LSAMP: variants seen among roughly 807,000 people sequenced by gnomAD.
LSAMP encodes limbic system associated membrane protein, also known as limbic system-associated membrane protein.
In LSAMP, 7 loss-of-function variants were observed where a neutral mutation model predicts 38.6. That is an observed-to-expected ratio of 0.18 (90% CI 0.10 to 0.34). LSAMP has a LOEUF of 0.34. Ranked by LOEUF, LSAMP falls within the 10% of genes least tolerant of loss-of-function variation. The pLI is 1.00. For missense variants in LSAMP, 313 were observed against 420.0 expected (o/e 0.75, Z 2.23); for synonymous variants, 154 against 166.8 (o/e 0.92, Z 0.59).
chr3:116,372,266 G>GCCTGT (rs2048439132), intron 1 of LSAMP, among the ~76,000 whole-genome samples: 1 of 151,942 alleles, frequency 6.6e-6, no homozygotes, highest in African/African-American at 2.4e-5. Context: ...ATAAAGCTTT[G>GCCTGT]CCTGTATGAT....
intron 3 of LSAMP, among the ~76,000 whole-genome samples, chr3:115,872,289 C>A (rs1246073618): frequency 1.3e-5 from 2 of 152,116 alleles, no homozygotes; most frequent in Non-Finnish European, 2.9e-5. Context: ...TGCCTCCATT[C>A]TCCTAAATCA....
At chr3:116,196,112 C>T (rs897661136) in intron 1 of LSAMP, among the ~76,000 whole-genome samples, 1 of 152,140 alleles carries the variant, frequency 6.6e-6, no homozygotes, top group African/African-American at 2.4e-5. Flanking sequence ...CTCATCTTCT[C>T]ATTGATCATC....
chr3:116,179,030 T>TA (rs11402534), intron 1 of LSAMP, among the ~76,000 whole-genome samples: 74,137 of 148,438 alleles, frequency 0.5, 20,541 homozygotes, highest in East Asian at 0.73. Context: ...TTTTACTACC[T>TA]AAAAAAAAAA....
In LSAMP at chr3:116,187,798, C is replaced by T. The variant is rs143922721; in HGVS notation, c.156-101242G>A. 1.5e-3 allele frequency among the ~76,000 whole-genome samples: 231 copies of T among 151,832 alleles called. 1 individual carries two copies. Among genetic ancestry groups the T allele is most frequent in the Admixed American group, 0.01 (157 of 15,256 alleles). ...ATCTTCCCTTTGTACACATTTTTTT[C>T]ACTTTTATTTTATGTTCAGGGGTAC... On this transcript the variant is annotated intron_variant, in intron 1 of 6. Transcript: ENST00000490035.
intron 1 of LSAMP, among the ~76,000 whole-genome samples, chr3:116,192,669 C>A (rs1035590701): frequency 1.3e-5 from 2 of 152,184 alleles, no homozygotes; most frequent in Admixed American, 6.5e-5. Context: ...GGTGATGAGT[C>A]AGCAAAGATA....
At position 116,204,345 on chromosome 3, in the gene LSAMP, G is replaced by A. The variant is rs377547571; in HGVS notation, c.156-117789C>T. On this transcript the variant is annotated intron_variant, in intron 1 of 6. Coordinates refer to ENST00000490035, the MANE Select transcript of LSAMP (RefSeq NM_002338.5). ...GGTTGCGAAAACTTTCTCCCATTTTGTAGGTTGCCTGTTCACTCTGATGGT... is the reference window on the plus strand; with the variant it reads ...GGTTGCGAAAACTTTCTCCCATTTTATAGGTTGCCTGTTCACTCTGATGGT... 9.6e-4 allele frequency among the ~76,000 whole-genome samples: 146 copies of A among 152,142 alleles called. 2 individuals are homozygous for A. The East Asian group carries it at 0.012, about 12-fold the overall frequency.
intron 2 of LSAMP, among the ~76,000 whole-genome samples, chr3:116,041,803 A>C (rs1225966104): frequency 3.4e-5 from 5 of 147,068 alleles, no homozygotes; most frequent in Non-Finnish European, 5.9e-5. Flanking sequence ...ATGCAAAAAA[A>C]AACAAAACAA....
intron 1 of LSAMP, among the ~76,000 whole-genome samples, chr3:116,117,080 ATT>A (rs1270928483): frequency 6.6e-6 from 1 of 152,212 alleles, no homozygotes; most frequent in Non-Finnish European, 1.5e-5. Context: ...GATTTGAGTA[ATT>A]TTTTATGCAG....
Position 116,157,565 on chromosome 3 carries a change from C to T in LSAMP, c.156-71009G>A, listed in dbSNP as rs118072493. On this transcript the variant is annotated intron_variant, in intron 1 of 6. Transcript: ENST00000490035. Reference sequence around the variant, plus strand: ...ATTTCAAAAAAAATAGAGAAGAAAACGTAAAACAGAAATAAGTAAGGAAAG... The same window carrying T: ...ATTTCAAAAAAAATAGAGAAGAAAATGTAAAACAGAAATAAGTAAGGAAAG... Among the ~76,000 whole-genome samples the T allele has an allele frequency of 2.3e-4, 35 of 151,912 alleles. No individual in the cohort carries two copies. The East Asian group carries it at 4.3e-3, about 18-fold the overall frequency.
Position 116,128,899 on chromosome 3 carries a change from C to A in LSAMP, c.156-42343G>T, listed in dbSNP as rs181650204. On this transcript the variant is annotated intron_variant, in intron 1 of 6. Transcript: ENST00000490035. ...GTGTCACTAATATTTTTGCTCAATG[C>A]CATTCATATATTACCTGAGTTAAGT... is the stretch of plus-strand genomic sequence containing the variant. Among the ~76,000 whole-genome samples the A allele has an allele frequency of 4.8e-3, 726 of 152,212 alleles. 12 individuals are homozygous for A. Among genetic ancestry groups the A allele is most frequent in the Non-Finnish European group, 3.4e-3 (234 of 67,998 alleles).
intron 2 of LSAMP, among the ~76,000 whole-genome samples, chr3:116,043,298 A>G (rs1034290754): frequency 3.9e-5 from 6 of 152,348 alleles, no homozygotes; most frequent in Admixed American, 3.3e-4. Flanking sequence ...GGTCTAAGAC[A>G]AGCATTCTGT....
intron 6 of LSAMP, among the ~76,000 whole-genome samples, chr3:115,827,405 T>TA (rs1368958087): frequency 1.3e-5 from 2 of 151,674 alleles, no homozygotes; most frequent in Non-Finnish European, 2.9e-5. Context: ...TTTAGGCAGT[T>TA]AAAAAGGTCA....
At chr3:116,210,965 T>G (rs1487473116) in intron 1 of LSAMP, among the ~76,000 whole-genome samples, 2 of 150,982 alleles carry the variant, frequency 1.3e-5, no homozygotes, top group East Asian at 3.9e-4. Flanking sequence ...ATAAAGAAAA[T>G]GTGGTACATA....
intron 1 of LSAMP, among the ~76,000 whole-genome samples, chr3:116,172,388 T>C (rs1710224102): frequency 6.6e-6 from 1 of 151,948 alleles, no homozygotes. Context: ...GTTAAGTTCT[T>C]TTACCGTAAT....
intron 1 of LSAMP, among the ~76,000 whole-genome samples, chr3:116,108,157 A>G (rs969869006): frequency 3.9e-5 from 6 of 152,112 alleles, no homozygotes; most frequent in South Asian, 2.1e-4. Context: ...TCTTATACTT[A>G]TGGATTAAGG....
intron 1 of LSAMP, among the ~76,000 whole-genome samples, chr3:116,331,944 C>T (rs540353397): frequency 6.6e-6 from 1 of 151,990 alleles, no homozygotes; most frequent in South Asian, 2.1e-4. Context: ...CTCAAAAAGT[C>T]CTCTCACCTC....
intron 1 of LSAMP, among the ~76,000 whole-genome samples, chr3:116,297,633 G>A (rs1360307619): frequency 1.3e-5 from 2 of 151,860 alleles, no homozygotes; most frequent in Non-Finnish European, 2.9e-5. Context: ...CCTTATTTTT[G>A]TCAGTCTTAT....
chr3:116,036,816 T>A lies in LSAMP; in HGVS notation c.389-17176A>T, dbSNP rs1364717445. On this transcript the variant is annotated intron_variant, in intron 2 of 6. Transcript: ENST00000490035. ...GTACCAAGTATTTCTAGAAATTGCT[T>A]GAGGAAATATTGTACTAAAAATTCT... Among the ~76,000 whole-genome samples, 3 of 152,164 alleles carry A rather than the reference T, an allele frequency of 2.0e-5. No individual in the cohort carries two copies. In the East Asian group the frequency reaches 5.8e-4, roughly 29 times the overall value.
intron 1 of LSAMP, among the ~76,000 whole-genome samples, chr3:116,200,524 T>G (rs575186909): frequency 6.6e-6 from 1 of 152,336 alleles, no homozygotes; most frequent in East Asian, 1.9e-4. Flanking sequence ...CCAGACTTGC[T>G]TCTCTCTAGC....
Sources: gnomAD v4.1 joint callset for allele counts (sites outside exome capture counted in the v4.1 genomes callset) on GRCh38, gnomAD v4.1.1 for gene constraint, MANE v1.5 for transcripts, NCBI Gene and HGNC (gene_info 2026-07-23, HGNC 2026-07-21) for gene names.